The following DPYD variants were observed in gnomAD, a reference collection of about 807,000 sequenced individuals.
DPYD encodes the protein dihydropyrimidine dehydrogenase.
DPYD carries 109 observed loss-of-function variants against 116.2 expected under a neutral mutation model. The observed-to-expected ratio is 0.94, with a 90% CI of 0.80 to 1.10. The LOEUF (loss-of-function observed/expected upper bound fraction) is 1.10, where lower values mean the gene tolerates loss of function less well. Among genes scored for constraint, DPYD ranks in the 50% least tolerant of loss-of-function variants. The pLI, the probability that DPYD is intolerant of heterozygous loss-of-function variation, is 0.00. For missense variants in DPYD, 1,302 were observed against 1,254.5 expected (o/e 1.04, Z -0.57); for synonymous variants, 440 against 432.0 (o/e 1.02, Z -0.23).
intron 3 of DPYD, among the ~76,000 whole-genome samples, chr1:97,764,979 T>A (rs1665772496): frequency 6.6e-6 from 1 of 152,200 alleles, no homozygotes. Flanking sequence ...TTCTCATATG[T>A]TTGACATATT....
intron 20 of DPYD, among the ~76,000 whole-genome samples, chr1:97,106,791 G>A (rs79264836): frequency 9.3e-5 from 14 of 150,684 alleles, no homozygotes; most frequent in African/African-American, 3.2e-4. Context: ...CTATAACAAC[G>A]TGAGCCAATT....
chr1:97,227,654 A>T (rs1374735389), intron 19 of DPYD, among the ~76,000 whole-genome samples: 4,016 of 152,034 alleles, frequency 0.026, 180 homozygotes, highest in African/African-American at 0.092. Context: ...TGGTTTTCTC[A>T]GCACTGCTTA....
At chr1:97,473,658 A>G (rs1390198311) in intron 13 of DPYD, among the ~76,000 whole-genome samples, 1 of 152,194 alleles carries the variant, frequency 6.6e-6, no homozygotes, top group African/African-American at 2.4e-5. Flanking sequence ...AGGTGTGGAG[A>G]AAAGGGAATC....
intron 12 of DPYD, among the ~76,000 whole-genome samples, chr1:97,545,277 C>CT (rs918976380): frequency 3.3e-5 from 5 of 152,268 alleles, no homozygotes; most frequent in East Asian, 1.9e-4. Context: ...CCTTTCCTAA[C>CT]TTTTTCATAA....
rs142512579 is a variant in DPYD, at chr1:97,573,805, C to T, written c.1294G>A (p.Asp432Asn). The change falls in exon 11 of 23, where the codon GAT becomes AAT. Residue 432 changes from aspartate to asparagine, a missense_variant. Transcript: ENST00000370192. ...GAACCAAAGGCACTGATGACCACATCGGCTTTCAGATGGACCATCTGATCT... is the reference window on the plus strand; with the variant it reads ...GAACCAAAGGCACTGATGACCACATTGGCTTTCAGATGGACCATCTGATCT... ...DEDQMVHLKA[D>N]VVISAFGSVL... is the part of the protein sequence containing the mutation. 1.9e-5 allele frequency: 30 copies of T among 1,613,492 alleles called. No individual in the cohort carries two copies. The African/African-American group carries it at 2.5e-4, about 14-fold the overall frequency.
At chr1:97,192,056 C>T (rs143904939) in intron 20 of DPYD, among the ~76,000 whole-genome samples, 56 of 151,940 alleles carry the variant, frequency 3.7e-4, no homozygotes, top group African/African-American at 1.3e-3. Context: ...TATTTCTTTC[C>T]TCCTTTTCTT....
intron 8 of DPYD, among the ~76,000 whole-genome samples, chr1:97,661,032 C>T (rs1346708035): frequency 6.6e-6 from 1 of 152,130 alleles, no homozygotes; most frequent in East Asian, 1.9e-4. Flanking sequence ...TCATGATTTA[C>T]CTCTCCATAA....
chr1:97,079,479 G>A (rs550931600), intron 22 of DPYD, among the ~76,000 whole-genome samples: 7 of 152,000 alleles, frequency 4.6e-5, no homozygotes, highest in Non-Finnish European at 1.0e-4. Context: ...AGGATGGGGC[G>A]TCTTCTACCT....
rs1036652361 is a variant in DPYD, at chr1:97,367,283, T to TA, written c.2058+6277dup. ...AGAAACAAAGCCTCTCTCTTTTTTT[T>TA]AAAAAAAAAAACATACAGTTTTATG... On this transcript the variant is annotated intron_variant, in intron 16 of 22. Transcript: ENST00000370192. Among the ~76,000 whole-genome samples, 1,202 of 148,578 alleles carry TA rather than the reference T, an allele frequency of 8.1e-3. 22 individuals carry two copies. Among genetic ancestry groups the TA allele is most frequent in the African/African-American group, 0.025 (1,000 of 40,412 alleles).
intron 3 of DPYD, among the ~76,000 whole-genome samples, chr1:97,821,968 T>C (rs958710470): frequency 6.6e-6 from 1 of 152,016 alleles, no homozygotes; most frequent in African/African-American, 2.4e-5. Flanking sequence ...AAAATTACAG[T>C]TGGAGTCTCA....
chr1:97,204,957 G>A (rs1298695552), intron 19 of DPYD, among the ~76,000 whole-genome samples: 1 of 151,626 alleles, frequency 6.6e-6, no homozygotes, highest in East Asian at 1.9e-4. Context: ...AGATTTAAAG[G>A]GTCCCTTTTG....
chr1:97,303,384 A>T (rs759045440), intron 18 of DPYD, among the ~76,000 whole-genome samples: 14 of 152,024 alleles, frequency 9.2e-5, no homozygotes, highest in Non-Finnish European at 1.9e-4. Flanking sequence ...TTATAAAAAT[A>T]TCTAGCTTAT....
intron 8 of DPYD, among the ~76,000 whole-genome samples, chr1:97,620,846 C>T (rs527431302): frequency 6.6e-6 from 1 of 152,216 alleles, no homozygotes; most frequent in African/African-American, 2.4e-5. Context: ...TTTAAAAAAT[C>T]AGCTTCCTAC....
intron 20 of DPYD, among the ~76,000 whole-genome samples, chr1:97,185,964 T>C (rs1286750067): frequency 6.6e-6 from 1 of 152,184 alleles, no homozygotes; most frequent in Non-Finnish European, 1.5e-5. Flanking sequence ...GTATTTTTCC[T>C]CCAAGTAATT....
intron 2 of DPYD, among the ~76,000 whole-genome samples, chr1:97,838,641 C>T (rs1338624220): frequency 1.3e-5 from 2 of 151,418 alleles, no homozygotes; most frequent in Non-Finnish European, 2.9e-5. Context: ...GTCAGGAGAT[C>T]GAGACCATCC....
At chr1:97,777,069 A>G (rs923928074) in intron 3 of DPYD, among the ~76,000 whole-genome samples, 4 of 152,212 alleles carry the variant, frequency 2.6e-5, no homozygotes, top group Non-Finnish European at 4.4e-5. Context: ...ATCATTTACC[A>G]TGATGGAACT....
rs577552578 is a variant in DPYD at position 97,211,486 on chromosome 1, G to C, written c.2443-18238C>G. The stretch of plus-strand genomic sequence containing the variant: ...TATTTGCTGAATGAATAGAAATTAT[G>C]ACCACTACATAATACACTGTTTGAT... On this transcript the variant is annotated intron_variant, in intron 19 of 22. Transcript: ENST00000370192. Among the ~76,000 whole-genome samples the C allele has an allele frequency of 2.0e-5, 3 of 152,258 alleles. No homozygotes were observed. In the South Asian group the frequency reaches 6.2e-4, roughly 32 times the overall value.
chr1:97,079,178 C>A (rs367558192), intron 22 of DPYD, 32 bp from the exon 23 acceptor site: 1 of 1,611,498 alleles, frequency 6.2e-7, no homozygotes, highest in Non-Finnish European at 8.5e-7. Context: ...ATTGATGTCA[C>A]TGACCACAAA....
In DPYD at chr1:97,920,971, C is replaced by T. The variant is rs758152525; in HGVS notation, c.-49G>A. On this transcript the variant is annotated 5_prime_UTR_variant, in exon 1 of 23. Transcript: ENST00000370192. ...TGCCAGTGACAAACCCTCCTTGCGT[C>T]CTCAAGCTCCAGCCAGAGAGCCAAG... is the stretch of plus-strand genomic sequence containing the variant. 6.4e-7 allele frequency: 1 copy of T among 1,558,188 alleles called. No homozygotes were observed. The highest frequency in any genetic ancestry group is 1.2e-5 in the South Asian group (1 of 84,550).
Sources: gnomAD v4.1 joint callset for allele counts (sites outside exome capture counted in the v4.1 genomes callset) on GRCh38, gnomAD v4.1.1 for gene constraint, MANE v1.5 for transcripts, NCBI Gene and HGNC (gene_info 2026-07-23, HGNC 2026-07-21) for gene names.